The following PITPNM3 variants were observed in gnomAD, a reference collection of about 807,000 sequenced individuals.
PITPNM3 encodes PITPNM family member 3.
Under a neutral mutation model 102.0 loss-of-function variants are expected in PITPNM3, and 26 were observed. The observed-to-expected ratio is 0.25, with a 90% CI of 0.19 to 0.35. The LOEUF (loss-of-function observed/expected upper bound fraction) is 0.35. Ranked by LOEUF, PITPNM3 falls within the 10% of genes least tolerant of loss-of-function variation. The pLI, the probability that PITPNM3 is intolerant of heterozygous loss-of-function variation, is 1.00. For missense variants in PITPNM3, 1,083 were observed against 1,346.1 expected (o/e 0.80, Z 3.06); for synonymous variants, 578 against 558.6 (o/e 1.03, Z -0.49).
At chr17:6,490,677 C>T (rs750860840) in intron 4 of PITPNM3, among the ~76,000 whole-genome samples, 30 of 151,968 alleles carry the variant, frequency 2.0e-4, no homozygotes, top group South Asian at 8.3e-4. Flanking sequence ...GCAGTGGGGC[C>T]GGGCGCAGTG....
chr17:6,469,949 T>C lies in PITPNM3; in HGVS notation c.1773+311A>G, dbSNP rs11650437. On this transcript the variant is annotated intron_variant, in intron 13 of 19. Transcript: ENST00000262483. The surrounding 1 kb of genome is among the most constrained non-coding windows in gnomAD (Gnocchi z 4.0). ...GTTTTGCAGACGAGGACATTGAGAC[T>C]CAGTGGGGAGTGGGAACTGACTACT... Among the ~76,000 whole-genome samples, 60,545 of 151,954 alleles carry C rather than the reference T, an allele frequency of 0.4. 13,031 individuals are homozygous for C. The highest frequency in any genetic ancestry group is 0.64 in the Middle Eastern group (189 of 294).
At chr17:6,499,887 T>C (rs528788864) in intron 4 of PITPNM3, among the ~76,000 whole-genome samples, 138 of 152,216 alleles carry the variant, frequency 9.1e-4, no homozygotes, top group African/African-American at 2.5e-3. Context: ...CATGCCACCA[T>C]GCCCAGCTAA....
At chr17:6,467,067 C>CAAAAAAAA (rs1408443729) in intron 14 of PITPNM3, among the ~76,000 whole-genome samples, 1 of 4,938 alleles carries the variant, frequency 2.0e-4, no homozygotes, top group Non-Finnish European at 4.6e-4. Context: ...CGTCTCAAAA[C>CAAAAAAAA]AAAAAAAAAA....
At chr17:6,477,304 C>T (rs1188908561) in intron 8 of PITPNM3, 91 bp from the exon 9 acceptor site, 1 of 1,336,620 alleles carries the variant, frequency 7.5e-7, no homozygotes, top group African/African-American at 1.4e-5. Context: ...ACAAACCAAC[C>T]CCTTCATCCT....
chr17:6,462,896 G>A (rs954805594), intron 17 of PITPNM3, among the ~76,000 whole-genome samples: 1 of 152,104 alleles, frequency 6.6e-6, no homozygotes, highest in South Asian at 2.1e-4. Context: ...GAGCACCATG[G>A]GGAGCACCCT....
rs533394764 is a variant in PITPNM3 at position 6,461,619 on chromosome 17, C to T, written c.2307-63G>A. ...GTGCAGGCCACCTGATGCCCAGAAG[C>T]CTGCCCTGCCCGCAGCTGCCCTCCT... On this transcript the variant is annotated intron_variant, in intron 17 of 19. Coordinates refer to ENST00000262483, the MANE Select transcript of PITPNM3 (RefSeq NM_031220.4). 15 of 1,567,176 alleles carry T rather than the reference C, an allele frequency of 9.6e-6. No homozygotes were observed. In the East Asian group the frequency reaches 2.2e-4, roughly 23 times the overall value.
chr17:6,490,041 G>A (rs1906357169), intron 4 of PITPNM3, among the ~76,000 whole-genome samples: 1 of 152,038 alleles, frequency 6.6e-6, no homozygotes, highest in African/African-American at 2.4e-5. Flanking sequence ...TATGCTCTGA[G>A]GATCCCCTGT....
chr17:6,491,720 TGGTGGGGGA>T (rs1029316531), intron 4 of PITPNM3, among the ~76,000 whole-genome samples: 1 of 150,666 alleles, frequency 6.6e-6, no homozygotes. Context: ...ATCTAAATAA[TGGTGGGGGA>T]GGTGGGGGAA....
In PITPNM3 at chr17:6,543,289, C is replaced by G. The variant is rs192775757; in HGVS notation, c.23-5207G>C. Among the ~76,000 whole-genome samples, 7 of 152,316 alleles carry G rather than the reference C, an allele frequency of 4.6e-5. No homozygotes were observed. The East Asian group carries it at 9.7e-4, about 21-fold the overall frequency. ...CCTAGCATGGGTGCAGCCAAAGACT[C>G]TGCTCAGATCGTCAGCTCCTCCTGG... On this transcript the variant is annotated intron_variant, in intron 1 of 19. Coordinates refer to ENST00000262483, the MANE Select transcript of PITPNM3 (RefSeq NM_031220.4).
chr17:6,464,445 C>T (rs1302496190), intron 15 of PITPNM3, 127 bp from the exon 16 acceptor site: 9 of 1,175,632 alleles, frequency 7.7e-6, no homozygotes, highest in Admixed American at 1.9e-5. Flanking sequence ...GCCAGCCTGG[C>T]TCCTCATTTG....
chr17:6,521,052 T>C (rs766842489), intron 3 of PITPNM3: 3 of 152,230 alleles, frequency 2.0e-5, no homozygotes, highest in Non-Finnish European at 2.9e-5. Flanking sequence ...GTTCTGGAGA[T>C]GGTTGGTGGT....
chr17:6,529,262 C>A (rs184074043), intron 2 of PITPNM3, among the ~76,000 whole-genome samples: 1 of 152,236 alleles, frequency 6.6e-6, no homozygotes, highest in Non-Finnish European at 1.5e-5. Flanking sequence ...TATCCTGGAG[C>A]TTCTGTTTCT....
At chr17:6,461,931 C>G (rs1346978743) in intron 17 of PITPNM3, among the ~76,000 whole-genome samples, 3 of 152,118 alleles carry the variant, frequency 2.0e-5, no homozygotes, top group Admixed American at 6.5e-5. Flanking sequence ...CCTCCCCCAG[C>G]CCTCTCACTT....
At chr17:6,483,891 G>A (rs1029668256) in intron 5 of PITPNM3, 139 bp from the exon 6 acceptor site, 3 of 810,286 alleles carry the variant, frequency 3.7e-6, no homozygotes, top group East Asian at 5.3e-5. Flanking sequence ...CAGAGAAGCA[G>A]GCACTATGTC....
Position 6,477,076 on chromosome 17 carries a change from G to A in PITPNM3, c.1038C>T (p.Ser346=). The change falls in exon 9 of 20, where the codon TCC becomes TCT. Residue 346 remains serine (S), a synonymous_variant. Coordinates refer to ENST00000262483, the MANE Select transcript of PITPNM3 (RefSeq NM_031220.4). Reference sequence around the variant, plus strand: ...GGGTGATGGCCTCGCAGTCATAGGTGGAGGAGTCGCTCTGTTTCCGCGGCA... The same window carrying A: ...GGGTGATGGCCTCGCAGTCATAGGTAGAGGAGTCGCTCTGTTTCCGCGGCA... The part of the protein sequence containing the change: ...RPLPRKQSDS[S]TYDCEAITQH... 1 of 1,614,156 alleles carries A rather than the reference G, an allele frequency of 6.2e-7. No homozygotes were observed. The highest frequency in any genetic ancestry group is 8.5e-7 in the Non-Finnish European group (1 of 1,180,038).
chr17:6,516,279 C>G (rs1908169594), intron 3 of PITPNM3, among the ~76,000 whole-genome samples: 2 of 152,106 alleles, frequency 1.3e-5, no homozygotes, highest in South Asian at 4.1e-4. Flanking sequence ...GAAAGAAATA[C>G]TTGGCCGGGC....
At chr17:6,552,829 C>T (rs1453170148) in intron 1 of PITPNM3, among the ~76,000 whole-genome samples, 1 of 144,978 alleles carries the variant, frequency 6.9e-6, no homozygotes, top group African/African-American at 2.6e-5. Flanking sequence ...TGCAACGGCA[C>T]GATCTCGGCT....
chr17:6,469,899 C>A lies in PITPNM3; in HGVS notation c.1773+361G>T, dbSNP rs1305045441. ...CCTCCCCACCAGGCTCTCCTTCTGG[C>A]GCCGGCCTTTCTGCTATACCTTCTG... On this transcript the variant is annotated intron_variant, in intron 13 of 19. Coordinates refer to ENST00000262483, the MANE Select transcript of PITPNM3 (RefSeq NM_031220.4). The surrounding 1 kb of genome is among the most constrained non-coding windows in gnomAD (Gnocchi z 4.0). 6.6e-6 allele frequency among the ~76,000 whole-genome samples: 1 copy of A among 152,204 alleles called. No individual in the cohort carries two copies. Among genetic ancestry groups the A allele is most frequent in the Non-Finnish European group, 1.5e-5 (1 of 68,032 alleles).
chr17:6,463,119 C>G (rs1904555056), intron 17 of PITPNM3, among the ~76,000 whole-genome samples: 1 of 152,126 alleles, frequency 6.6e-6, no homozygotes. Context: ...CATCTTGAGG[C>G]CAGCAGTCTC....
Sources: gnomAD v4.1 joint callset for allele counts (sites outside exome capture counted in the v4.1 genomes callset) on GRCh38, gnomAD v4.1.1 for gene constraint, Gnocchi (gnomAD v3.1) non-coding constraint, MANE v1.5 for transcripts, NCBI Gene and HGNC (gene_info 2026-07-23, HGNC 2026-07-21) for gene names.